The following SMG6 variants were observed in gnomAD, a reference collection of about 807,000 sequenced individuals.
SMG6 encodes telomerase-binding protein EST1A.
A neutral mutation model predicts 142.2 loss-of-function variants in SMG6; 66 were observed. The ratio of observed to expected loss-of-function variants is 0.46; its 90% CI spans 0.38 to 0.57. The LOEUF (loss-of-function observed/expected upper bound fraction) is 0.57. Ranked by LOEUF, SMG6 falls within the 20% of genes least tolerant of loss-of-function variation. SMG6 has a pLI of 0.00. For missense variants in SMG6, 1,793 were observed against 1,832.0 expected (o/e 0.98, Z 0.39); for synonymous variants, 779 against 702.4 (o/e 1.11, Z -1.72).
chr17:2,121,882 G>A (rs1332908348), intron 13 of SMG6, among the ~76,000 whole-genome samples: 1 of 152,072 alleles, frequency 6.6e-6, no homozygotes, highest in East Asian at 1.9e-4. Flanking sequence ...CGCCCAGGCT[G>A]GAGTGCATGG....
At chr17:2,146,311 T>G (rs567222679) in intron 13 of SMG6, among the ~76,000 whole-genome samples, 31 of 152,254 alleles carry the variant, frequency 2.0e-4, no homozygotes, top group African/African-American at 6.7e-4. Context: ...GCAGACTTTG[T>G]GACCATTTTC....
intron 10 of SMG6, among the ~76,000 whole-genome samples, chr17:2,220,487 G>C (rs1221107581): frequency 6.6e-6 from 1 of 152,076 alleles, no homozygotes; most frequent in African/African-American, 2.4e-5. Flanking sequence ...AAAATTAGCT[G>C]AGCGTAGTGG....
At chr17:2,161,362 C>T (rs911224713) in intron 13 of SMG6, among the ~76,000 whole-genome samples, 1 of 151,812 alleles carries the variant, frequency 6.6e-6, no homozygotes, top group African/African-American at 2.4e-5. Context: ...GCCTCGGCCT[C>T]TCAAAGTGCT....
intron 13 of SMG6, among the ~76,000 whole-genome samples, chr17:2,160,338 G>A (rs2071137297): frequency 1.3e-5 from 2 of 152,090 alleles, no homozygotes; most frequent in South Asian, 4.1e-4. Flanking sequence ...TTGTGCCTCA[G>A]CCTCCCAAGT....
At chr17:2,075,845 C>G (rs2068243188) in intron 15 of SMG6, among the ~76,000 whole-genome samples, 2 of 152,234 alleles carry the variant, frequency 1.3e-5, no homozygotes, top group South Asian at 4.1e-4. Context: ...ACTTGGCGCC[C>G]CCAGCATCCA....
intron 8 of SMG6, among the ~76,000 whole-genome samples, chr17:2,249,007 C>G (rs2073985732): frequency 1.3e-5 from 2 of 151,982 alleles, no homozygotes; most frequent in African/African-American, 2.4e-5. Context: ...CTGTCTCAGC[C>G]TCCCAAGTAG....
rs1431179210 is a variant in SMG6 at position 2,071,297 on chromosome 17, T to C, written c.3682-2366A>G. ...TTACCCTATGTGAACAGTCAGCTCC[T>C]AAGCCCTGGTACCATCCTACCTCTA... On this transcript the variant is annotated intron_variant, in intron 15 of 18. Coordinates refer to ENST00000263073, the MANE Select transcript of SMG6 (RefSeq NM_017575.5). This position sits in a 1 kb window ranked among gnomAD's most constrained non-coding sequence, Gnocchi z 5.6. Among the ~76,000 whole-genome samples, 1 of 152,160 alleles carries C rather than the reference T, an allele frequency of 6.6e-6. No homozygotes were observed. The highest frequency in any genetic ancestry group is 1.5e-5 in the Non-Finnish European group (1 of 68,016).
At chr17:2,080,100 A>G (rs1271058315) in intron 15 of SMG6, among the ~76,000 whole-genome samples, 1 of 149,646 alleles carries the variant, frequency 6.7e-6, no homozygotes, top group Non-Finnish European at 1.5e-5. Context: ...AAAACAAAAC[A>G]AAACAAAACA....
At chr17:2,088,286 T>G in intron 13 of SMG6, 1 of 985,360 alleles carries the variant, frequency 1.0e-6, no homozygotes. Flanking sequence ...TGTGTGGATG[T>G]GGGACTCCTG....
intron 8 of SMG6, among the ~76,000 whole-genome samples, chr17:2,274,373 C>T (rs1223475843): frequency 6.6e-6 from 1 of 152,184 alleles, no homozygotes; most frequent in Non-Finnish European, 1.5e-5. Flanking sequence ...TGGTCTTCTA[C>T]TCCAAAAACT....
intron 10 of SMG6, among the ~76,000 whole-genome samples, chr17:2,210,057 G>A (rs1237730999): frequency 6.6e-6 from 1 of 152,042 alleles, no homozygotes; most frequent in African/African-American, 2.4e-5. Context: ...AGAGAGAGGG[G>A]GTATAAAGAC....
chr17:2,254,584 C>A (rs2074121956), intron 8 of SMG6, among the ~76,000 whole-genome samples: 1 of 152,152 alleles, frequency 6.6e-6, no homozygotes. Context: ...ATCTGCCCAC[C>A]TCGGGCTCCC....
In SMG6 at chr17:2,236,642, A is replaced by G. The variant is rs750038545; in HGVS notation, c.2724-5T>C. 1.2e-5 allele frequency: 20 copies of G among 1,609,100 alleles called. No homozygotes were observed. The highest frequency in any genetic ancestry group is 1.7e-5 in the Non-Finnish European group (20 of 1,177,472). On this transcript the variant is annotated splice_region_variant and splice_polypyrimidine_tract_variant and intron_variant, in intron 9 of 18. Transcript: ENST00000263073. Reference sequence around the variant, plus strand: ...ACTGCAGGGAATGTCTCCATCCTGCAGATTCAGAAAACCCATCAATGAGGC... The same window carrying G: ...ACTGCAGGGAATGTCTCCATCCTGCGGATTCAGAAAACCCATCAATGAGGC...
chr17:2,230,921 G>A (rs1201266269), intron 10 of SMG6, among the ~76,000 whole-genome samples: 1 of 152,132 alleles, frequency 6.6e-6, no homozygotes, highest in African/African-American at 2.4e-5. Context: ...AGGTGGCAAT[G>A]ATTCCCTACG....
chr17:2,106,209 C>T (rs2069151059), intron 13 of SMG6, among the ~76,000 whole-genome samples: 1 of 152,146 alleles, frequency 6.6e-6, no homozygotes. Context: ...CTTTCCACCC[C>T]ATCACTTTTC....
intron 13 of SMG6, among the ~76,000 whole-genome samples, chr17:2,098,347 C>G (rs2068914058): frequency 6.6e-6 from 1 of 152,192 alleles, no homozygotes; most frequent in African/African-American, 2.4e-5. Context: ...TAAATCCTAT[C>G]TCCCTTTATG....
intron 15 of SMG6, among the ~76,000 whole-genome samples, chr17:2,079,787 G>A (rs750357247): frequency 2.6e-5 from 4 of 151,884 alleles, no homozygotes; most frequent in Non-Finnish European, 5.9e-5. Flanking sequence ...TCTAAAGAAT[G>A]ATGGAGGCTG....
At chr17:2,083,372 T>A (rs938000872) in intron 14 of SMG6, among the ~76,000 whole-genome samples, 8 of 152,188 alleles carry the variant, frequency 5.3e-5, no homozygotes, top group Admixed American at 4.6e-4. Flanking sequence ...TTTGGTAGGA[T>A]CCCTAAGCGA....
intron 13 of SMG6, among the ~76,000 whole-genome samples, chr17:2,121,018 T>A (rs1352460832): frequency 1.3e-5 from 2 of 152,102 alleles, no homozygotes; most frequent in Non-Finnish European, 2.9e-5. Flanking sequence ...TTAAGAAAGT[T>A]TACGAATTTG....
Sources: gnomAD v4.1 joint callset for allele counts (sites outside exome capture counted in the v4.1 genomes callset) on GRCh38, gnomAD v4.1.1 for gene constraint, Gnocchi (gnomAD v3.1) non-coding constraint, MANE v1.5 for transcripts, NCBI Gene and HGNC (gene_info 2026-07-23, HGNC 2026-07-21) for gene names.